The following PI4KA variants were observed in gnomAD, a reference collection of about 807,000 sequenced individuals.
PI4KA encodes the protein phosphatidylinositol 4-kinase alpha.
Under a neutral mutation model 271.4 loss-of-function variants are expected in PI4KA, and 122 were observed. The observed-to-expected ratio is 0.45, with a 90% CI of 0.39 to 0.52. The LOEUF (loss-of-function observed/expected upper bound fraction) is 0.52. Ranked by LOEUF, PI4KA falls within the 20% of genes least tolerant of loss-of-function variation. The pLI is 0.00. For missense variants in PI4KA, 1,969 were observed against 2,769.1 expected, an observed-to-expected ratio of 0.71 and a Z score of 6.48; for synonymous variants, 1,041 against 1,078.8, an observed-to-expected ratio of 0.96 and a Z score of 0.69.
At chr22:20,773,595 C>T (rs1933010883) in intron 19 of PI4KA, among the ~76,000 whole-genome samples, 1 of 152,200 alleles carries the variant, frequency 6.6e-6, no homozygotes, top group Non-Finnish European at 1.5e-5. Flanking sequence ...CCACAATCCC[C>T]TTATTCTGTA....
chr22:20,815,813 A>G (rs1482314838), intron 7 of PI4KA, among the ~76,000 whole-genome samples: 4 of 152,220 alleles, frequency 2.6e-5, no homozygotes, highest in African/African-American at 9.6e-5. Flanking sequence ...GAAAGACACC[A>G]TGAAATATGG....
chr22:20,760,341 T>C (rs1443042350), intron 23 of PI4KA, among the ~76,000 whole-genome samples: 1 of 152,234 alleles, frequency 6.6e-6, no homozygotes, highest in Non-Finnish European at 1.5e-5. Flanking sequence ...TTTAAATTTT[T>C]GATTTTAAAC....
rs939246047 is a variant in PI4KA at position 20,733,933 on chromosome 22, C to T, written c.4053-90G>A. Reference sequence around the variant, plus strand: ...ACTCTCTTCCCTGCCCTTCCAGGAGCAGCTCACTGAAATGTGTTCCCCGTC... The same window carrying T: ...ACTCTCTTCCCTGCCCTTCCAGGAGTAGCTCACTGAAATGTGTTCCCCGTC... On this transcript the variant is annotated intron_variant, in intron 34 of 54. Coordinates refer to ENST00000255882, the MANE Select transcript of PI4KA (RefSeq NM_058004.4). 1.5e-5 allele frequency: 23 copies of T among 1,543,436 alleles called. No individual in the cohort carries two copies. In the African/African-American group the frequency reaches 3.0e-4, roughly 20 times the overall value.
intron 19 of PI4KA, chr22:20,787,283 T>C (rs1934325499): frequency 8.5e-6 from 5 of 589,106 alleles, no homozygotes; most frequent in Non-Finnish European, 1.2e-5. Context: ...TAGAAGTCAC[T>C]GTAACTGTAG....
At chr22:20,819,572 G>T in intron 6 of PI4KA, 69 bp downstream of exon 6, 1 of 1,402,102 alleles carries the variant, frequency 7.1e-7, no homozygotes. Flanking sequence ...CAAAGAAGAG[G>T]GATTTTCTTC....
At chr22:20,842,328 C>T (rs1310578089) in intron 1 of PI4KA, among the ~76,000 whole-genome samples, 5 of 152,094 alleles carry the variant, frequency 3.3e-5, no homozygotes, top group Non-Finnish European at 5.9e-5. Flanking sequence ...TGATTTCAGT[C>T]CAGTGAAACA....
chr22:20,781,836 C>T (rs1050735919), intron 19 of PI4KA, among the ~76,000 whole-genome samples: 5 of 152,196 alleles, frequency 3.3e-5, no homozygotes, highest in African/African-American at 7.2e-5. Context: ...TTTGTGTGAC[C>T]TCAGACAAGT....
chr22:20,716,935 T>G (rs1468050601), intron 45 of PI4KA, among the ~76,000 whole-genome samples: 2 of 152,076 alleles, frequency 1.3e-5, no homozygotes, highest in African/African-American at 4.8e-5. Flanking sequence ...GAAGACAAGT[T>G]TGTGCCAATA....
intron 18 of PI4KA, among the ~76,000 whole-genome samples, chr22:20,795,624 T>C (rs1466941751): frequency 2.0e-5 from 3 of 152,188 alleles, no homozygotes; most frequent in African/African-American, 7.2e-5. Flanking sequence ...CCACGTGACA[T>C]GCTACTGGGG....
At chr22:20,779,439 G>C (rs761487740) in intron 19 of PI4KA, 1 of 1,614,082 alleles carries the variant, frequency 6.2e-7, no homozygotes, top group Admixed American at 1.7e-5. Context: ...TCCCCAGTGG[G>C]AGCAGTTAAA....
At chr22:20,821,612 G>A (rs1163266525) in intron 4 of PI4KA, among the ~76,000 whole-genome samples, 1 of 101,624 alleles carries the variant, frequency 9.8e-6, no homozygotes, top group African/African-American at 4.1e-5. Context: ...TTTGTTTTGA[G>A]GCGCGGTTTC....
At chr22:20,838,106 G>A (rs1444423693) in intron 2 of PI4KA, among the ~76,000 whole-genome samples, 1 of 147,518 alleles carries the variant, frequency 6.8e-6, no homozygotes, top group African/African-American at 2.5e-5. Context: ...GGGTGACAAA[G>A]CAAGACTCCA....
At chr22:20,792,200 G>A (rs1230864173) in intron 19 of PI4KA, among the ~76,000 whole-genome samples, 1 of 152,128 alleles carries the variant, frequency 6.6e-6, no homozygotes, top group Non-Finnish European at 1.5e-5. Context: ...TGGCAAACCA[G>A]TCAGTTACTA....
At chr22:20,826,191 A>G (rs1398949934) in intron 3 of PI4KA, among the ~76,000 whole-genome samples, 1 of 152,044 alleles carries the variant, frequency 6.6e-6, no homozygotes, top group Non-Finnish European at 1.5e-5. Flanking sequence ...ATAAATATAA[A>G]AATTAGCCGG....
intron 14 of PI4KA, 94 bp downstream of exon 14, chr22:20,801,879 C>CA: frequency 7.3e-7 from 1 of 1,366,968 alleles, no homozygotes; most frequent in South Asian, 1.3e-5. Context: ...GAGCGAGACT[C>CA]AATCTCAAAA....
At chr22:20,712,052 G>A (rs533275465) in intron 50 of PI4KA, among the ~76,000 whole-genome samples, 1 of 144,216 alleles carries the variant, frequency 6.9e-6, no homozygotes, top group African/African-American at 2.6e-5. Flanking sequence ...AGGTGCCCTG[G>A]TTTTTTTGTG....
At chr22:20,715,362 G>T (rs778959424) in intron 45 of PI4KA, among the ~76,000 whole-genome samples, 2 of 152,024 alleles carry the variant, frequency 1.3e-5, no homozygotes, top group Admixed American at 1.3e-4. Context: ...GAGCCACTGC[G>T]CCTGGCCTTC....
chr22:20,720,934 T>C (rs1926658946), intron 43 of PI4KA, among the ~76,000 whole-genome samples: 1 of 152,252 alleles, frequency 6.6e-6, no homozygotes, highest in Non-Finnish European at 1.5e-5. Flanking sequence ...TTTCTGACAG[T>C]GCAGGGGTCC....
intron 36 of PI4KA, among the ~76,000 whole-genome samples, chr22:20,732,197 TA>T (rs201825196): frequency 0.031 from 4,631 of 151,320 alleles, 92 homozygotes; most frequent in Middle Eastern, 0.061. Flanking sequence ...TAAATTAAAT[TA>T]AAAAATAAAA....
Sources: allele counts gnomAD v4.1 joint callset (sites outside exome capture counted in the v4.1 genomes callset), GRCh38; gene constraint gnomAD v4.1.1; transcripts MANE v1.5; gene names NCBI Gene and HGNC (gene_info 2026-07-23, HGNC 2026-07-21).